Variants in RIN3 observed in about 807,000 individuals in gnomAD.
RIN3 encodes the protein Ras and Rab interactor 3, also known as RAB5 interacting protein 3.
In RIN3, 54 loss-of-function variants were observed where a neutral mutation model predicts 76.3. The observed-to-expected ratio is 0.71, with a 90% confidence interval of 0.57 to 0.89. The LOEUF (loss-of-function observed/expected upper bound fraction) is 0.89, where lower values mean the gene tolerates loss of function less well. Ranked by LOEUF, RIN3 falls within the 40% of genes least tolerant of loss-of-function variation. The pLI is 0.00. For synonymous variants in RIN3, 576 were observed against 564.0 expected, an observed-to-expected ratio of 1.02 and a Z score of -0.30; for missense variants, 1,256 against 1,322.1, an observed-to-expected ratio of 0.95 and a Z score of 0.78.
chr14:92,518,789 C>CTG (rs61124300), intron 1 of RIN3, among the ~76,000 whole-genome samples: 4,780 of 128,386 alleles, frequency 0.037, 162 homozygotes, highest in African/African-American at 0.069. Context: ...TAAGGGTGGC[C>CTG]TGTGTGTGTG....
chr14:92,645,677 C>T (rs527520375), intron 5 of RIN3, among the ~76,000 whole-genome samples: 7 of 152,302 alleles, frequency 4.6e-5, no homozygotes, highest in South Asian at 2.1e-4. Flanking sequence ...CCCTAAAGGC[C>T]GGGCGCAGTG....
At chr14:92,609,071 G>T (rs768676934) in intron 3 of RIN3, among the ~76,000 whole-genome samples, 2 of 151,984 alleles carry the variant, frequency 1.3e-5, no homozygotes, top group African/African-American at 4.8e-5. Flanking sequence ...CCCAAAGTCC[G>T]TTCTATCACT....
intron 1 of RIN3, among the ~76,000 whole-genome samples, chr14:92,544,414 T>TGGGGGGGGGGGGGGGGGGGG (rs71123353): frequency 1.5e-4 from 11 of 74,560 alleles, no homozygotes; most frequent in Admixed American, 7.6e-4. Context: ...GTGACAGCTG[T>TGGGGGGGGGGGGGGGGGGGG]GGGGGGGGGG....
intron 7 of RIN3, among the ~76,000 whole-genome samples, chr14:92,674,465 T>C (rs1421155080): frequency 6.6e-6 from 1 of 151,788 alleles, no homozygotes; most frequent in African/African-American, 2.4e-5. Context: ...TAGCTGAGTG[T>C]GGTGGTATGT....
chr14:92,541,339 A>ATCTAGCTGTAGAGAGGTGATGGTCAC (rs1160405587), intron 1 of RIN3, among the ~76,000 whole-genome samples: 2 of 152,204 alleles, frequency 1.3e-5, no homozygotes, highest in Non-Finnish European at 1.5e-5. Flanking sequence ...CAAGTAGAGT[A>ATCTAGCTGTAGAGAGGTGATGGTCAC]TCTAGCTGTA....
At chr14:92,518,818 T>TGTGTGTGTGTGTGTGTGG (rs1896517717) in intron 1 of RIN3, among the ~76,000 whole-genome samples, 1 of 151,512 alleles carries the variant, frequency 6.6e-6, no homozygotes, top group African/African-American at 2.4e-5. Context: ...TGTGTGTGTG[T>TGTGTGTGTGTGTGTGTGG]GTGTGTGTCA....
chr14:92,559,656 TG>T (rs1897706584), intron 2 of RIN3, among the ~76,000 whole-genome samples: 2 of 152,100 alleles, frequency 1.3e-5, no homozygotes, highest in Non-Finnish European at 2.9e-5. Context: ...CACATCCAGG[TG>T]GGGTGATCTG....
Position 92,555,926 on chromosome 14 carries a change from G to T in RIN3, c.220G>T (p.Ala74Ser). The change falls in exon 2 of 10, where the codon GCC becomes TCC. Residue 74 changes from alanine (A) to serine (S), a missense_variant. This residue lies in a region of RIN3 where 610 missense variants were observed against 626.4 expected (regional missense o/e 0.97). Coordinates refer to ENST00000216487, the MANE Select transcript of RIN3 (RefSeq NM_024832.5). Reference protein sequence around the residue: ...LQLSLGQAEVARILHRVVAGM... With the variant: ...LQLSLGQAEVSRILHRVVAGM... ...GCTGAGTCTGGGCCAGGCAGAGGTGGCCAGGATCCTGCACCGGGTGGTGGC... is the reference window on the plus strand; with the variant it reads ...GCTGAGTCTGGGCCAGGCAGAGGTGTCCAGGATCCTGCACCGGGTGGTGGC... 1 of 1,613,248 alleles carries T rather than the reference G, an allele frequency of 6.2e-7. No individual in the cohort carries two copies. The highest frequency in any genetic ancestry group is 8.5e-7 in the Non-Finnish European group (1 of 1,180,016).
At chr14:92,601,370 C>G (rs2140088443) in intron 3 of RIN3, among the ~76,000 whole-genome samples, 1 of 152,330 alleles carries the variant, frequency 6.6e-6, no homozygotes, top group Non-Finnish European at 1.5e-5. Flanking sequence ...CTCACCGCTT[C>G]CTAGCTCTGT....
At position 92,555,840 on chromosome 14, in the gene RIN3, C is replaced by G. The variant is rs1897560888; in HGVS notation, c.134C>G (p.Pro45Arg). Residue 45 changes from proline (P) to arginine (R), a missense_variant, in exon 2 of 10, where the codon CCT becomes CGT. By Grantham distance (103) the Pro-to-Arg change is moderately radical. Around this residue, in one of 3 missense-constraint regions of RIN3, gnomAD observed 610 missense variants for 626.4 expected, o/e 0.97. Coordinates refer to ENST00000216487, the MANE Select transcript of RIN3 (RefSeq NM_024832.5). Reference protein sequence around the residue: ...CLPANPKNCLPHRRGISILEK... With the variant: ...CLPANPKNCLRHRRGISILEK... ...CCAGCCAACCCGAAAAACTGCCTTC[C>G]TCACCGCCGGGGCATCAGCATCCTG... is the stretch of plus-strand genomic sequence containing the variant. 6.2e-7 allele frequency: 1 copy of G among 1,614,056 alleles called. No homozygotes were observed. Among genetic ancestry groups the G allele is most frequent in the South Asian group, 1.1e-5 (1 of 91,086 alleles).
rs767023627 is a variant in RIN3 at position 92,651,766 on chromosome 14, C to T, written c.717C>T (p.Phe239=). 3.1e-6 allele frequency: 5 copies of T among 1,614,104 alleles called. No homozygotes were observed. The South Asian group carries it at 3.3e-5, about 11-fold the overall frequency. Residue 239 remains phenylalanine (F), a synonymous_variant, in exon 6 of 10, where the codon TTC becomes TTT. Coordinates refer to ENST00000216487, the MANE Select transcript of RIN3 (RefSeq NM_024832.5). ...NDRLWFVNPI[F]IEDCSSALPT... The stretch of plus-strand genomic sequence containing the variant: ...GCCTGTGGTTTGTGAATCCTATTTT[C>T]ATCGAGGACTGCAGCAGCGCCCTGC...
At chr14:92,637,986 A>T (rs1368299246) in intron 4 of RIN3, among the ~76,000 whole-genome samples, 1 of 152,116 alleles carries the variant, frequency 6.6e-6, no homozygotes, top group East Asian at 1.9e-4. Context: ...GGTGCCTGTG[A>T]TTTAGTAAGA....
chr14:92,591,427 CAAT>C (rs1566857779), intron 3 of RIN3, among the ~76,000 whole-genome samples: 1 of 151,922 alleles, frequency 6.6e-6, no homozygotes, highest in Non-Finnish European at 1.5e-5. Context: ...ATATTTGAAA[CAAT>C]AATGACTGAG....
Position 92,651,658 on chromosome 14 carries a change from A to G in RIN3, c.609A>G (p.Gly203=). The change falls in exon 6 of 10, where the codon GGA becomes GGG. Residue 203 remains glycine, a synonymous_variant. Coordinates refer to ENST00000216487, the MANE Select transcript of RIN3 (RefSeq NM_024832.5). The stretch of plus-strand genomic sequence containing the variant: ...AGCCCCCAAGAGACCGGGCCCCCGG[A>G]TTCCCCCTAGTCTCCAGCCTCAGGC... The part of the protein sequence containing the change: ...PAEPPRDRAP[G]FPLVSSLRPT... The G allele has an allele frequency of 1.2e-6, 2 of 1,613,662 alleles. No homozygotes were observed. Among genetic ancestry groups the G allele is most frequent in the African/African-American group, 2.7e-5 (2 of 74,936 alleles).
intron 4 of RIN3, 70 bp downstream of exon 4, chr14:92,615,549 C>T: frequency 7.5e-7 from 1 of 1,325,220 alleles, no homozygotes; most frequent in Non-Finnish European, 1.1e-6. Flanking sequence ...TGGGTGGGTG[C>T]AGGGGACTTC....
At chr14:92,601,460 A>G (rs547164927) in intron 3 of RIN3, among the ~76,000 whole-genome samples, 1 of 152,270 alleles carries the variant, frequency 6.6e-6, no homozygotes, top group African/African-American at 2.4e-5. Flanking sequence ...AAAGTTCCCA[A>G]GCTTGCAGGG....
At chr14:92,519,621 A>T (rs1896540303) in intron 1 of RIN3, among the ~76,000 whole-genome samples, 1 of 152,054 alleles carries the variant, frequency 6.6e-6, no homozygotes, top group Non-Finnish European at 1.5e-5. Flanking sequence ...CCAACAGAGG[A>T]TGAGACAGGT....
intron 7 of RIN3, among the ~76,000 whole-genome samples, chr14:92,675,181 C>T (rs908469188): frequency 4.6e-4 from 70 of 152,158 alleles, no homozygotes; most frequent in Non-Finnish European, 5.9e-5. Context: ...CAGCAGGAAA[C>T]TCAAAGCCAA....
At chr14:92,629,395 G>A (rs1315556958) in intron 4 of RIN3, among the ~76,000 whole-genome samples, 1 of 152,242 alleles carries the variant, frequency 6.6e-6, no homozygotes, top group Non-Finnish European at 1.5e-5. Flanking sequence ...CAGTGTGGGA[G>A]CAGGCCCAAG....
Sources: gnomAD v4.1 joint callset for allele counts (sites outside exome capture counted in the v4.1 genomes callset) on GRCh38, gnomAD v4.1.1 for gene constraint, gnomAD v4.1.1 regional missense constraint, MANE v1.5 for transcripts, NCBI Gene and HGNC (gene_info 2026-07-23, HGNC 2026-07-21) for gene names.